The following RAB3C variants were observed in gnomAD, a reference collection of about 807,000 sequenced individuals.
RAB3C encodes the protein ras-related protein Rab-3C.
RAB3C carries 17 observed loss-of-function variants against 26.4 expected under a neutral mutation model. The ratio of observed to expected loss-of-function variants is 0.64; its 90% CI spans 0.44 to 0.97. The LOEUF (loss-of-function observed/expected upper bound fraction) is 0.97. RAB3C is among the 50% of genes least tolerant of loss of function. The pLI is 0.00. For synonymous variants in RAB3C, 91 were observed against 95.9 expected, an observed-to-expected ratio of 0.95 and a Z score of 0.30; for missense variants, 242 against 281.9, an observed-to-expected ratio of 0.86 and a Z score of 1.01.
At chr5:58,646,110 C>G (rs1270613248) in intron 2 of RAB3C, among the ~76,000 whole-genome samples, 1 of 152,106 alleles carries the variant, frequency 6.6e-6, no homozygotes. Context: ...TGGGATATGC[C>G]TGATTTCTAT....
chr5:58,691,371 G>T (rs1748567978), intron 2 of RAB3C, among the ~76,000 whole-genome samples: 1 of 152,160 alleles, frequency 6.6e-6, no homozygotes, highest in African/African-American at 2.4e-5. Context: ...TATAGATGGG[G>T]TGTCTTCTGG....
At chr5:58,590,556 T>G (rs2111655932) in intron 1 of RAB3C, among the ~76,000 whole-genome samples, 1 of 152,200 alleles carries the variant, frequency 6.6e-6, no homozygotes, top group African/African-American at 2.4e-5. Flanking sequence ...TATTTATTTA[T>G]TTTGAAGGCA....
intron 2 of RAB3C, among the ~76,000 whole-genome samples, chr5:58,675,141 C>G (rs992089005): frequency 1.3e-5 from 2 of 152,046 alleles, no homozygotes; most frequent in African/African-American, 2.4e-5. Context: ...CAAGCACAAA[C>G]CTGTCTCAGG....
At chr5:58,607,578 C>T (rs974085739) in intron 1 of RAB3C, among the ~76,000 whole-genome samples, 2 of 152,140 alleles carry the variant, frequency 1.3e-5, no homozygotes, top group African/African-American at 4.8e-5. Flanking sequence ...CAAAGATACT[C>T]CTCAAGAATC....
At chr5:58,655,740 T>C (rs1371436303) in intron 2 of RAB3C, among the ~76,000 whole-genome samples, 4 of 151,762 alleles carry the variant, frequency 2.6e-5, no homozygotes, top group Non-Finnish European at 5.9e-5. Context: ...TCACATCACC[T>C]GTTAAAAAGA....
intron 2 of RAB3C, among the ~76,000 whole-genome samples, chr5:58,646,686 C>T (rs181977812): frequency 3.3e-5 from 5 of 152,122 alleles, no homozygotes; most frequent in Admixed American, 6.5e-5. Context: ...ATCAATTTTG[C>T]GTGCTGCCCA....
chr5:58,655,856 C>A (rs1316820889), intron 2 of RAB3C, among the ~76,000 whole-genome samples: 1 of 133,154 alleles, frequency 7.5e-6, no homozygotes, highest in Non-Finnish European at 1.5e-5. Flanking sequence ...AGTGCAGTGA[C>A]GCAGTCTCGG....
chr5:58,834,902 C>T (rs1390039950), intron 4 of RAB3C, among the ~76,000 whole-genome samples: 2 of 152,118 alleles, frequency 1.3e-5, no homozygotes, highest in Non-Finnish European at 2.9e-5. Context: ...TATGGATCTC[C>T]ACTCTCCCTT....
chr5:58,739,943 G>T, intron 3 of RAB3C, among the ~76,000 whole-genome samples: 1 of 152,344 alleles, frequency 6.6e-6, no homozygotes, highest in South Asian at 2.1e-4. Context: ...AGAGGAAAGA[G>T]ATGTAACAAG....
At chr5:58,703,643 G>A (rs1748891531) in intron 2 of RAB3C, among the ~76,000 whole-genome samples, 1 of 152,074 alleles carries the variant, frequency 6.6e-6, no homozygotes. Flanking sequence ...CTCAAAGTGA[G>A]GTCCACCGTG....
intron 1 of RAB3C, among the ~76,000 whole-genome samples, chr5:58,599,937 A>G (rs937033868): frequency 7.2e-5 from 11 of 152,076 alleles, no homozygotes; most frequent in African/African-American, 2.4e-4. Flanking sequence ...GCCAATGTCT[A>G]GAAGGGTTTT....
chr5:58,827,566 GCACA>G (rs78220013), intron 4 of RAB3C, among the ~76,000 whole-genome samples: 9,034 of 152,190 alleles, frequency 0.059, 347 homozygotes, highest in East Asian at 0.12. Flanking sequence ...CCATCGACTG[GCACA>G]CACACAAACC....
chr5:58,630,794 G>A (rs1343419849), intron 2 of RAB3C, among the ~76,000 whole-genome samples: 1 of 152,204 alleles, frequency 6.6e-6, no homozygotes. Context: ...ACCATAGAAG[G>A]CACTCATATA....
intron 3 of RAB3C, among the ~76,000 whole-genome samples, chr5:58,727,791 G>C (rs1188933234): frequency 6.6e-6 from 1 of 151,908 alleles, no homozygotes; most frequent in Non-Finnish European, 1.5e-5. Flanking sequence ...TTTTCCAAAA[G>C]AACAAGATCT....
chr5:58,780,663 A>G (rs149441244), intron 3 of RAB3C, among the ~76,000 whole-genome samples: 2 of 152,188 alleles, frequency 1.3e-5, no homozygotes, highest in Admixed American at 1.3e-4. Context: ...CAAAATTCAG[A>G]CTGTGGCTGT....
chr5:58,814,847 A>G (rs1743182701), intron 3 of RAB3C: 1 of 152,224 alleles, frequency 6.6e-6, no homozygotes, highest in Non-Finnish European at 1.5e-5. Flanking sequence ...AAGTTGTAAG[A>G]CAGGCATGAT....
chr5:58,726,679 A>G (rs950902778), intron 3 of RAB3C, among the ~76,000 whole-genome samples: 5 of 152,004 alleles, frequency 3.3e-5, no homozygotes, highest in African/African-American at 1.2e-4. Context: ...AGATTTGTTA[A>G]ATAGGTTATT....
chr5:58,659,024 A>T (rs1487536062), intron 2 of RAB3C, among the ~76,000 whole-genome samples: 2 of 152,204 alleles, frequency 1.3e-5, no homozygotes, highest in East Asian at 3.9e-4. Flanking sequence ...AGATGGGAGA[A>T]GCCACAAAGT....
intron 4 of RAB3C, among the ~76,000 whole-genome samples, chr5:58,846,181 A>C (rs2112085809): frequency 6.6e-6 from 1 of 152,254 alleles, no homozygotes; most frequent in East Asian, 1.9e-4. Flanking sequence ...TTATCCATTC[A>C]TAGGTTGATA....
Sources: gnomAD v4.1 joint callset for allele counts (sites outside exome capture counted in the v4.1 genomes callset) on GRCh38, gnomAD v4.1.1 for gene constraint, MANE v1.5 for transcripts, NCBI Gene and HGNC (gene_info 2026-07-23, HGNC 2026-07-21) for gene names.